Variants in CDH12 observed in about 807,000 individuals in gnomAD.
CDH12 encodes cadherin 12, also known as cadherin-12.
In CDH12, 41 loss-of-function variants were observed where a neutral mutation model predicts 74.1. The ratio of observed to expected loss-of-function variants is 0.55; its 90% CI spans 0.43 to 0.72. The LOEUF is 0.72. Ranked by LOEUF, CDH12 falls within the 30% of genes least tolerant of loss-of-function variation. The pLI, the probability that CDH12 is intolerant of heterozygous loss-of-function variation, is 0.00. For missense variants in CDH12, 945 were observed against 977.2 expected (o/e 0.97, Z 0.44); for synonymous variants, 399 against 355.0 (o/e 1.12, Z -1.39).
chr5:22,631,958 T>C (rs1435891388), intron 1 of CDH12, among the ~76,000 whole-genome samples: 1 of 152,052 alleles, frequency 6.6e-6, no homozygotes, highest in Non-Finnish European at 1.5e-5. Context: ...CACCAGGCCC[T>C]ACCTGCAACA....
rs559976405 is a variant in CDH12 at position 22,091,510 on chromosome 5, G to T, written c.-186-12648C>A. On this transcript the variant is annotated intron_variant, in intron 4 of 14. Coordinates refer to ENST00000382254, the MANE Select transcript of CDH12 (RefSeq NM_004061.5). ...TAGATCAAAACCTAACAAAAGAAGT[G>T]AAAAATGCATATGCTGAAAACCACA... is the stretch of plus-strand genomic sequence containing the variant. 2.0e-5 allele frequency among the ~76,000 whole-genome samples: 3 copies of T among 151,848 alleles called. No individual in the cohort carries two copies. The South Asian group carries it at 6.2e-4, about 32-fold the overall frequency.
chr5:22,600,400 C>T (rs997997977), intron 1 of CDH12, among the ~76,000 whole-genome samples: 6 of 151,988 alleles, frequency 3.9e-5, no homozygotes, highest in East Asian at 1.9e-4. Context: ...AGTTTTAGTA[C>T]GTATGTATCT....
At chr5:22,483,146 T>C (rs957300803) in intron 2 of CDH12, among the ~76,000 whole-genome samples, 2 of 152,176 alleles carry the variant, frequency 1.3e-5, no homozygotes, top group African/African-American at 2.4e-5. Context: ...GGCTTTATAA[T>C]GAAAAGTTTC....
chr5:22,459,188 T>C (rs1745405967), intron 2 of CDH12, among the ~76,000 whole-genome samples: 1 of 152,088 alleles, frequency 6.6e-6, no homozygotes, highest in Non-Finnish European at 1.5e-5. Flanking sequence ...TAAAAAGACA[T>C]TGTATCACAT....
At chr5:22,163,307 T>C (rs1748473140) in intron 4 of CDH12, among the ~76,000 whole-genome samples, 1 of 152,162 alleles carries the variant, frequency 6.6e-6, no homozygotes, top group Admixed American at 6.5e-5. Flanking sequence ...TGATGACCAC[T>C]TCCAAATACA....
At chr5:22,287,947 T>C (rs765541752) in intron 3 of CDH12, among the ~76,000 whole-genome samples, 14 of 152,172 alleles carry the variant, frequency 9.2e-5, no homozygotes, top group Non-Finnish European at 1.9e-4. Context: ...GCAAGCTCTG[T>C]AGTTTAGCAC....
intron 3 of CDH12, among the ~76,000 whole-genome samples, chr5:22,270,160 T>C (rs1257674823): frequency 1.3e-5 from 2 of 152,212 alleles, no homozygotes; most frequent in African/African-American, 4.8e-5. Context: ...TATCCCACTT[T>C]ACTCATTACA....
intron 5 of CDH12, among the ~76,000 whole-genome samples, chr5:22,006,959 T>G (rs1737000807): frequency 6.6e-6 from 1 of 152,106 alleles, no homozygotes; most frequent in Admixed American, 6.6e-5. Flanking sequence ...TATTGGCCTA[T>G]GAATCATAAA....
chr5:22,531,950 C>T (rs922103736), intron 1 of CDH12, among the ~76,000 whole-genome samples: 1 of 152,094 alleles, frequency 6.6e-6, no homozygotes, highest in Non-Finnish European at 1.5e-5. Context: ...TGTGGTTCAC[C>T]AGGCAGGGCT....
At chr5:21,754,247 A>G (rs1744259617) in intron 14 of CDH12, among the ~76,000 whole-genome samples, 1 of 152,074 alleles carries the variant, frequency 6.6e-6, no homozygotes, top group Admixed American at 6.6e-5. Flanking sequence ...CCCTAGCTCT[A>G]TTTGTCAGGG....
At chr5:22,202,151 C>T (rs1415372485) in intron 4 of CDH12, among the ~76,000 whole-genome samples, 1 of 47,060 alleles carries the variant, frequency 2.1e-5, no homozygotes, top group African/African-American at 5.7e-5. Flanking sequence ...CCCTACTTTC[C>T]TTCCTTCCTT....
intron 1 of CDH12, among the ~76,000 whole-genome samples, chr5:22,566,222 T>A (rs1193815086): frequency 3.3e-5 from 5 of 151,982 alleles, no homozygotes; most frequent in African/African-American, 4.8e-5. Flanking sequence ...GTCCTTTTTT[T>A]TGTTGTTCTT....
chr5:22,752,560 TTTTTTTTTTTTTTC>T (rs869167774), intron 1 of CDH12, among the ~76,000 whole-genome samples: 10,152 of 31,452 alleles, frequency 0.32, 3,025 homozygotes, highest in East Asian at 0.49. Context: ...TTTTTTTTTT[TTTTTTTTTTTTTTC>T]TTTTTTTTTT....
chr5:22,737,451 A>G (rs547417906), intron 1 of CDH12, among the ~76,000 whole-genome samples: 16 of 152,086 alleles, frequency 1.1e-4, no homozygotes, highest in Admixed American at 2.0e-4. Context: ...TACTGATTTA[A>G]CTGATTAAAA....
chr5:22,121,426 G>A (rs1745505153), intron 4 of CDH12, among the ~76,000 whole-genome samples: 1 of 152,166 alleles, frequency 6.6e-6, no homozygotes. Flanking sequence ...TTGGCATTTG[G>A]AGGGCAAGAA....
chr5:22,260,248 G>A (rs886599512), intron 3 of CDH12, among the ~76,000 whole-genome samples: 2 of 152,058 alleles, frequency 1.3e-5, no homozygotes, highest in African/African-American at 2.4e-5. Context: ...GTGCACCCAT[G>A]TGCACATGCA....
intron 11 of CDH12, among the ~76,000 whole-genome samples, chr5:21,777,155 T>C (rs1745634764): frequency 6.6e-6 from 1 of 152,134 alleles, no homozygotes. Context: ...ACAAACTCTT[T>C]CAATGTACAA....
At chr5:22,471,423 CATT>C (rs1343826482) in intron 2 of CDH12, among the ~76,000 whole-genome samples, 2 of 152,292 alleles carry the variant, frequency 1.3e-5, no homozygotes, top group African/African-American at 4.8e-5. Context: ...TTCCATTCAT[CATT>C]GTTTTGTTTA....
chr5:22,021,336 G>A lies in CDH12; in HGVS notation c.232-45951C>T, dbSNP rs375452349. Among the ~76,000 whole-genome samples, 10 of 152,090 alleles carry A rather than the reference G, an allele frequency of 6.6e-5. No homozygotes were observed. In the East Asian group the frequency reaches 1.7e-3, roughly 26 times the overall value. ...TTTTCTGATTAGATCTGTTCCACCT[G>A]TATTATTCTTAGGGAAAGAAGAAAG... On this transcript the variant is annotated intron_variant, in intron 5 of 14. Transcript: ENST00000382254.
Sources: allele counts gnomAD v4.1 joint callset (sites outside exome capture counted in the v4.1 genomes callset), GRCh38; gene constraint gnomAD v4.1.1; transcripts MANE v1.5; gene names NCBI Gene and HGNC (gene_info 2026-07-23, HGNC 2026-07-21).